The following FGD4 variants were observed in gnomAD, a reference collection of about 807,000 sequenced individuals.
FGD4 encodes FYVE, RhoGEF and PH domain-containing protein 4.
Under a neutral mutation model 102.0 loss-of-function variants are expected in FGD4, and 42 were observed. That is an observed-to-expected ratio of 0.41 (90% CI 0.32 to 0.53). The LOEUF is 0.53. Ranked by LOEUF, FGD4 falls within the 20% of genes least tolerant of loss-of-function variation. The pLI, the probability that FGD4 is intolerant of heterozygous loss-of-function variation, is 0.21. For synonymous variants in FGD4, 380 were observed against 375.7 expected, an observed-to-expected ratio of 1.01 and a Z score of -0.13; for missense variants, 902 against 1,078.2, an observed-to-expected ratio of 0.84 and a Z score of 2.29.
At chr12:32,449,225 C>T (rs1443031629) in intron 1 of FGD4, among the ~76,000 whole-genome samples, 1 of 152,118 alleles carries the variant, frequency 6.6e-6, no homozygotes, top group African/African-American at 2.4e-5. Flanking sequence ...AGGACATGCA[C>T]CTACATAGCT....
intron 5 of FGD4, among the ~76,000 whole-genome samples, chr12:32,599,204 T>G (rs1406143233): frequency 6.6e-6 from 1 of 152,060 alleles, no homozygotes; most frequent in Non-Finnish European, 1.5e-5. Flanking sequence ...ATTATAAGAA[T>G]AACTTTTGGG....
chr12:32,407,810 G>T (rs563498165), intron 1 of FGD4, among the ~76,000 whole-genome samples: 9 of 152,074 alleles, frequency 5.9e-5, no homozygotes, highest in Admixed American at 5.9e-4. Flanking sequence ...TTCAGACTTG[G>T]TTTATAGACT....
chr12:32,640,339 G>A lies in FGD4; in HGVS notation c.2518G>A (p.Ala840Thr), dbSNP rs145630882. 1.7e-5 allele frequency: 27 copies of A among 1,614,144 alleles called. No homozygotes were observed. Among genetic ancestry groups the A allele is most frequent in the African/African-American group, 1.3e-4 (10 of 75,028 alleles). Residue 840 changes from alanine (A) to threonine (T), a missense_variant, in exon 17 of 17, where the codon GCA (alanine) becomes ACA (threonine). Ala to Thr is a moderately conservative substitution (Grantham distance 58). This residue lies in a region of FGD4 where 459 missense variants were observed against 619.0 expected (regional missense o/e 0.74). Coordinates refer to ENST00000534526, the MANE Select transcript of FGD4 (RefSeq NM_001370298.3). ...TGTGGTGGATGAAATGCCAAGGAGCGCAGACCTGCCACACAGTTTCAAACT... is the reference window on the plus strand; with the variant it reads ...TGTGGTGGATGAAATGCCAAGGAGCACAGACCTGCCACACAGTTTCAAACT... ...GYVVDEMPRSADLPHSFKLTQ... is the reference protein window; with the variant it reads ...GYVVDEMPRSTDLPHSFKLTQ...
At chr12:32,534,056 T>G (rs1233189573) in intron 1 of FGD4, among the ~76,000 whole-genome samples, 1 of 152,232 alleles carries the variant, frequency 6.6e-6, no homozygotes, top group African/African-American at 2.4e-5. Flanking sequence ...AGAAACAAAC[T>G]GTTTTCCCAT....
At chr12:32,607,640 G>A (rs1199542197) in intron 7 of FGD4, among the ~76,000 whole-genome samples, 2 of 152,136 alleles carry the variant, frequency 1.3e-5, no homozygotes, top group Non-Finnish European at 2.9e-5. Context: ...CTCAGCCTCC[G>A]CATAGCTGGG....
At chr12:32,485,777 C>G (rs1419229733) in intron 1 of FGD4, 2 of 910,214 alleles carry the variant, frequency 2.2e-6, no homozygotes, top group African/African-American at 3.6e-5. Flanking sequence ...TTGTTATAAG[C>G]CTAAATGCCA....
intron 6 of FGD4, among the ~76,000 whole-genome samples, 193 bp downstream of exon 6, chr12:32,601,616 A>G (rs1948431793): frequency 1.3e-5 from 2 of 152,230 alleles, no homozygotes. Flanking sequence ...TTAGCTAGTG[A>G]AGACAAGATA....
chr12:32,614,223 G>A (rs776271448), intron 10 of FGD4, among the ~76,000 whole-genome samples: 2 of 152,192 alleles, frequency 1.3e-5, no homozygotes, highest in African/African-American at 4.8e-5. Flanking sequence ...ATCAGCTGCA[G>A]ACAAGAGCAG....
chr12:32,626,477 AAG>A (rs1950182717), intron 14 of FGD4, among the ~76,000 whole-genome samples: 1 of 151,600 alleles, frequency 6.6e-6, no homozygotes, highest in Admixed American at 6.6e-5. Context: ...GGGGTTGAGA[AAG>A]AGCTAATAAT....
At chr12:32,575,258 A>C (rs1946032411) in intron 2 of FGD4, among the ~76,000 whole-genome samples, 1 of 152,190 alleles carries the variant, frequency 6.6e-6, no homozygotes, top group Non-Finnish European at 1.5e-5. Context: ...TTGGGCTCAC[A>C]GTTCTGCAGG....
At chr12:32,491,132 TAA>T (rs72008264) in intron 1 of FGD4, among the ~76,000 whole-genome samples, 1,451 of 106,544 alleles carry the variant, frequency 0.014, 11 homozygotes, top group Middle Eastern at 0.031. Context: ...TTCTGCCAGT[TAA>T]AAAAAAAAAA....
chr12:32,444,016 G>GTTTTC (rs1565743752), intron 1 of FGD4, among the ~76,000 whole-genome samples: 2 of 118,414 alleles, frequency 1.7e-5, no homozygotes, highest in African/African-American at 4.2e-5. Context: ...GGCTGACTTT[G>GTTTTC]TTTTCTTTTT....
intron 4 of FGD4, among the ~76,000 whole-genome samples, chr12:32,597,271 TGAGAA>T (rs1947986805): frequency 6.6e-6 from 1 of 152,156 alleles, no homozygotes; most frequent in South Asian, 2.1e-4. Context: ...GGTCTGGGCT[TGAGAA>T]GAGATGAGCG....
At chr12:32,461,710 T>G (rs1296475397) in intron 1 of FGD4, among the ~76,000 whole-genome samples, 2 of 152,128 alleles carry the variant, frequency 1.3e-5, no homozygotes, top group Admixed American at 6.6e-5. Flanking sequence ...ATCCTTTCTT[T>G]TCATCTTTGC....
intron 11 of FGD4, among the ~76,000 whole-genome samples, chr12:32,623,115 A>C (rs1371575009): frequency 6.6e-6 from 1 of 152,228 alleles, no homozygotes; most frequent in Non-Finnish European, 1.5e-5. Flanking sequence ...ACTTTCAAAA[A>C]GATAAAAAGT....
intron 4 of FGD4, among the ~76,000 whole-genome samples, chr12:32,590,114 C>T (rs1947347681): frequency 6.6e-6 from 1 of 152,016 alleles, no homozygotes; most frequent in Non-Finnish European, 1.5e-5. Context: ...TCTAGACCAG[C>T]CTGGCCAACA....
chr12:32,602,217 T>G lies in FGD4; in HGVS notation c.1304T>G (p.Met435Arg), dbSNP rs63749871. 1.9e-6 allele frequency: 3 copies of G among 1,614,056 alleles called. No homozygotes were observed. The highest frequency in any genetic ancestry group is 1.7e-4 in the Middle Eastern group (1 of 6,056). ...CAGAAATTGGCACCATTCCTTAAGATGTATGGAGAATATGTGAAAGGATTT... is the reference window on the plus strand; with the variant it reads ...CAGAAATTGGCACCATTCCTTAAGAGGTATGGAGAATATGTGAAAGGATTT... ...ILQKLAPFLKMYGEYVKGFDN... is the reference protein window; with the variant it reads ...ILQKLAPFLKRYGEYVKGFDN... The change falls in exon 7 of 17, where the codon ATG becomes AGG. Residue 435 changes from methionine to arginine, a missense_variant. This residue lies in a region of FGD4 where 459 missense variants were observed against 619.0 expected (regional missense o/e 0.74). Coordinates refer to ENST00000534526, the MANE Select transcript of FGD4 (RefSeq NM_001370298.3).
At chr12:32,562,660 T>G (rs1029297121) in intron 1 of FGD4, among the ~76,000 whole-genome samples, 1 of 152,210 alleles carries the variant, frequency 6.6e-6, no homozygotes, top group African/African-American at 2.4e-5. Flanking sequence ...AAGCACATCC[T>G]GCACCGCCCT....
chr12:32,518,312 C>T (rs989780347), intron 1 of FGD4, among the ~76,000 whole-genome samples: 1 of 152,164 alleles, frequency 6.6e-6, no homozygotes, highest in Non-Finnish European at 1.5e-5. Context: ...AACCCCGTCT[C>T]TACTAAAAAT....
Sources: gnomAD v4.1 joint callset for allele counts (sites outside exome capture counted in the v4.1 genomes callset) on GRCh38, gnomAD v4.1.1 for gene constraint, gnomAD v4.1.1 regional missense constraint, MANE v1.5 for transcripts, NCBI Gene and HGNC (gene_info 2026-07-23, HGNC 2026-07-21) for gene names.